GHR: variants seen among roughly 807,000 people sequenced by gnomAD.
The protein encoded by GHR is GH receptor.
In GHR, 35 loss-of-function variants were observed where a neutral mutation model predicts 67.1. The ratio of observed to expected loss-of-function variants is 0.52; its 90% CI spans 0.40 to 0.69. The LOEUF (loss-of-function observed/expected upper bound fraction) is 0.69, where lower values mean the gene tolerates loss of function less well. Among genes scored for constraint, GHR ranks in the 30% least tolerant of loss-of-function variants. The pLI is 0.00. For missense variants in GHR, 792 were observed against 764.6 expected (o/e 1.04, Z -0.42); for synonymous variants, 272 against 269.1 (o/e 1.01, Z -0.10).
At chr5:42,670,882 T>C (rs1467480739) in intron 3 of GHR, among the ~76,000 whole-genome samples, 1 of 128,138 alleles carries the variant, frequency 7.8e-6, no homozygotes, top group African/African-American at 2.9e-5. Flanking sequence ...AAAAAAAAAA[T>C]ATATATATAT....
intron 2 of GHR, among the ~76,000 whole-genome samples, chr5:42,582,919 G>A (rs551338366): frequency 1.6e-3 from 247 of 152,346 alleles, no homozygotes; most frequent in African/African-American, 5.1e-3. Flanking sequence ...CACAGTGGCT[G>A]AACCCCATGC....
rs1466220272 is a variant in GHR at position 42,662,575 on chromosome 5, A to C, written c.137-26315A>C. Among the ~76,000 whole-genome samples the C allele has an allele frequency of 2.6e-5, 4 of 152,208 alleles. No individual in the cohort carries two copies. The East Asian group carries it at 7.7e-4, about 29-fold the overall frequency. ...AAACCAACAAGAACAAAGACACAAC[A>C]TACCAGAATCTCTGGGACGCATTCA... On this transcript the variant is annotated intron_variant, in intron 3 of 9. Coordinates refer to ENST00000230882, the MANE Select transcript of GHR (RefSeq NM_000163.5).
chr5:42,604,764 C>G (rs1458126185), intron 2 of GHR, among the ~76,000 whole-genome samples: 1 of 145,220 alleles, frequency 6.9e-6, no homozygotes, highest in Non-Finnish European at 1.5e-5. Flanking sequence ...TCCATGATTT[C>G]TGTTTGGTAC....
chr5:42,477,477 G>A (rs1745390170), intron 1 of GHR, among the ~76,000 whole-genome samples: 1 of 152,164 alleles, frequency 6.6e-6, no homozygotes, highest in Non-Finnish European at 1.5e-5. Context: ...CACAGTGGTT[G>A]AACTAGTTTA....
At chr5:42,575,311 C>T (rs1219233124) in intron 2 of GHR, among the ~76,000 whole-genome samples, 1 of 152,146 alleles carries the variant, frequency 6.6e-6, no homozygotes. Flanking sequence ...TTTGTCAAAA[C>T]TGCATTTGAA....
rs1026757763 is a variant in GHR at position 42,538,069 on chromosome 5, C to G, written c.-11-27795C>G. On this transcript the variant is annotated intron_variant, in intron 1 of 9. Transcript: ENST00000230882. Reference sequence around the variant, plus strand: ...GAGTTCTTATGTGTTAGGTGAGTCTCCTGAAGGCAGCAGATACTTGGTTGG... The same window carrying G: ...GAGTTCTTATGTGTTAGGTGAGTCTGCTGAAGGCAGCAGATACTTGGTTGG... 2.6e-5 allele frequency among the ~76,000 whole-genome samples: 4 copies of G among 152,146 alleles called. No individual in the cohort carries two copies. The East Asian group carries it at 7.7e-4, about 29-fold the overall frequency.
chr5:42,466,918 A>G (rs956078104), intron 1 of GHR: 4 of 1,516,464 alleles, frequency 2.6e-6, no homozygotes, highest in African/African-American at 1.4e-5. Flanking sequence ...GTGGTGTCGC[A>G]TGAGGTGTGA....
Position 42,695,048 on chromosome 5 carries a change from G to A in GHR, c.398G>A (p.Gly133Asp). 1 of 1,611,282 alleles carries A rather than the reference G, an allele frequency of 6.2e-7. No individual in the cohort carries two copies. The highest frequency in any genetic ancestry group is 8.5e-7 in the Non-Finnish European group (1 of 1,177,474). The change falls in exon 5 of 10, where the codon GGT becomes GAT. Residue 133 changes from glycine to aspartate, a missense_variant. By Grantham distance (94) the Gly-to-Asp change is moderately conservative (BLOSUM62 -1). Transcript: ENST00000230882. ...TATTGTATCAAGCTAACTAGCAATG[G>A]TGGTACAGTGGATGAAAAGTGTTTC... ...IPYCIKLTSN[G>D]GTVDEKCFSV...
chr5:42,531,184 TTGAACCCAGG>T (rs1422802301), intron 1 of GHR, among the ~76,000 whole-genome samples: 2 of 152,164 alleles, frequency 1.3e-5, no homozygotes, highest in East Asian at 3.9e-4. Context: ...GGAGAATTGC[TTGAACCCAGG>T]TGATGGAGGT....
At chr5:42,506,289 G>A (rs1746775204) in intron 1 of GHR, among the ~76,000 whole-genome samples, 3 of 152,122 alleles carry the variant, frequency 2.0e-5, no homozygotes, top group Non-Finnish European at 4.4e-5. Flanking sequence ...AAGTGAGATG[G>A]ACCCTCTTAT....
intron 2 of GHR, among the ~76,000 whole-genome samples, chr5:42,615,809 A>G (rs1753119672): frequency 6.6e-6 from 1 of 152,046 alleles, no homozygotes. Context: ...AAATTGTAAT[A>G]TTTCTAAAAT....
intron 1 of GHR, among the ~76,000 whole-genome samples, chr5:42,544,126 G>T (rs1203025117): frequency 6.6e-6 from 1 of 152,080 alleles, no homozygotes; most frequent in East Asian, 1.9e-4. Flanking sequence ...TGATTAAAAT[G>T]CTCTTTCCCA....
intron 6 of GHR, among the ~76,000 whole-genome samples, chr5:42,708,969 T>C (rs1554039790): frequency 6.6e-6 from 1 of 152,216 alleles, no homozygotes; most frequent in Non-Finnish European, 1.5e-5. Context: ...GGGGCTTATA[T>C]ATAATAATTT....
chr5:42,456,474 C>T (rs1042660790), intron 1 of GHR, among the ~76,000 whole-genome samples: 1 of 152,114 alleles, frequency 6.6e-6, no homozygotes, highest in African/African-American at 2.4e-5. Context: ...TTAGTTTTCT[C>T]CAGGCATGGG....
chr5:42,477,510 G>C (rs1579779273), intron 1 of GHR, among the ~76,000 whole-genome samples: 1 of 152,190 alleles, frequency 6.6e-6, no homozygotes, highest in East Asian at 1.9e-4. Flanking sequence ...CAGTGTAAAA[G>C]TGTTCCTATT....
Position 42,525,857 on chromosome 5 carries a change from C to T in GHR, c.-11-40007C>T, listed in dbSNP as rs373553678. On this transcript the variant is annotated intron_variant, in intron 1 of 9. Coordinates refer to ENST00000230882, the MANE Select transcript of GHR (RefSeq NM_000163.5). ...CTTCCTCATTTTTCTCTTGCCGCCA[C>T]CATGTAAGAAGAGTCTTTTGCCTCC... 1.0e-3 allele frequency among the ~76,000 whole-genome samples: 154 copies of T among 152,280 alleles called. 2 individuals carry two copies. Among genetic ancestry groups the T allele is most frequent in the Admixed American group, 3.8e-3 (58 of 15,296 alleles).
intron 1 of GHR, among the ~76,000 whole-genome samples, chr5:42,462,244 A>G (rs1744517233): frequency 6.6e-6 from 1 of 152,240 alleles, no homozygotes; most frequent in South Asian, 2.1e-4. Flanking sequence ...TACAGGTCAT[A>G]GCTCTGTTTC....
At chr5:42,450,682 TG>T (rs1344871562) in intron 1 of GHR, among the ~76,000 whole-genome samples, 1 of 152,114 alleles carries the variant, frequency 6.6e-6, no homozygotes, top group African/African-American at 2.4e-5. Flanking sequence ...TGTTTGGGTT[TG>T]TTTTTTTCTT....
chr5:42,517,565 T>C (rs80153471), intron 1 of GHR, among the ~76,000 whole-genome samples: 3,304 of 152,318 alleles, frequency 0.022, 45 homozygotes, highest in Non-Finnish European at 0.033. Flanking sequence ...TCATCACTTT[T>C]TTATGGTCAG....
Sources: gnomAD v4.1 joint callset for allele counts (sites outside exome capture counted in the v4.1 genomes callset) on GRCh38, gnomAD v4.1.1 for gene constraint, MANE v1.5 for transcripts, NCBI Gene and HGNC (gene_info 2026-07-23, HGNC 2026-07-21) for gene names.